The following NEDD4L variants were observed in gnomAD, a reference collection of about 807,000 sequenced individuals.
NEDD4L encodes NEDD4 like E3 ubiquitin protein ligase, also known as E3 ubiquitin-protein ligase NEDD4-like.
Under a neutral mutation model 148.9 loss-of-function variants are expected in NEDD4L, and 54 were observed. That is an observed-to-expected ratio of 0.36 (90% CI 0.29 to 0.45). The LOEUF (loss-of-function observed/expected upper bound fraction) is 0.45. Ranked by LOEUF, NEDD4L falls within the 20% of genes least tolerant of loss-of-function variation. The pLI is 1.00. For missense variants in NEDD4L, 856 were observed against 1,233.8 expected, an observed-to-expected ratio of 0.69 and a Z score of 4.59; for synonymous variants, 433 against 440.7, an observed-to-expected ratio of 0.98 and a Z score of 0.22.
At chr18:58,335,660 C>T in intron 13 of NEDD4L, 123 bp downstream of exon 13, 1 of 749,762 alleles carries the variant, frequency 1.3e-6, no homozygotes, top group South Asian at 1.5e-5. Context: ...TACAGAGCTG[C>T]ACACGTTTCT....
chr18:58,353,162 C>T (rs537757469), intron 18 of NEDD4L, among the ~76,000 whole-genome samples: 3 of 152,276 alleles, frequency 2.0e-5, no homozygotes, highest in Admixed American at 1.3e-4. Flanking sequence ...CTGAGGCTAG[C>T]GCAACTCCGG....
intron 1 of NEDD4L, among the ~76,000 whole-genome samples, chr18:58,114,899 C>G: frequency 6.6e-6 from 1 of 152,248 alleles, no homozygotes; most frequent in East Asian, 1.9e-4. Context: ...TGCTCTCCTT[C>G]TGCCTCCCTT....
intron 1 of NEDD4L, among the ~76,000 whole-genome samples, chr18:58,072,023 A>G (rs2082895502): frequency 6.6e-6 from 1 of 152,212 alleles, no homozygotes; most frequent in South Asian, 2.1e-4. Flanking sequence ...CAAATTAGGT[A>G]ACCTAAATGG....
At chr18:58,084,363 A>G (rs2083637969) in intron 1 of NEDD4L, among the ~76,000 whole-genome samples, 1 of 152,178 alleles carries the variant, frequency 6.6e-6, no homozygotes, top group African/African-American at 2.4e-5. Flanking sequence ...TATACTCAAA[A>G]CGATTTAATT....
chr18:58,249,014 A>G (rs2047597472), intron 4 of NEDD4L, 77 bp downstream of exon 4: 4 of 698,114 alleles, frequency 5.7e-6, no homozygotes, highest in Admixed American at 3.3e-5. Flanking sequence ...ATCTTGAGGA[A>G]AAGCTCTTAA....
intron 1 of NEDD4L, among the ~76,000 whole-genome samples, chr18:58,067,444 T>G (rs763823118): frequency 6.6e-6 from 1 of 152,204 alleles, no homozygotes; most frequent in Non-Finnish European, 1.5e-5. Context: ...TATCAGGGAA[T>G]GAGCTAATTT....
At chr18:58,112,742 G>T (rs996163646) in intron 1 of NEDD4L, among the ~76,000 whole-genome samples, 2 of 151,752 alleles carry the variant, frequency 1.3e-5, no homozygotes. Flanking sequence ...TGCCTGCCTT[G>T]GCCTCCCAAA....
intron 8 of NEDD4L, 45 bp downstream of exon 8, chr18:58,323,379 T>A (rs1404906252): frequency 1.0e-6 from 1 of 1,002,386 alleles, no homozygotes; most frequent in Admixed American, 2.1e-5. Flanking sequence ...TGAGATCATA[T>A]TCATGTTTTG....
chr18:58,255,485 G>T, intron 5 of NEDD4L: 1 of 1,230,246 alleles, frequency 8.1e-7, no homozygotes, highest in Non-Finnish European at 1.0e-6. Context: ...TGCCACTTGG[G>T]TTATTTCTGC....
chr18:58,388,435 G>A (rs185048634), intron 27 of NEDD4L: 33 of 152,376 alleles, frequency 2.2e-4, no homozygotes, highest in African/African-American at 7.7e-4. Context: ...TTTATTTCCA[G>A]GCTTCTGGCT....
chr18:58,190,827 T>C (rs563842634), intron 2 of NEDD4L, among the ~76,000 whole-genome samples: 1 of 152,316 alleles, frequency 6.6e-6, no homozygotes, highest in African/African-American at 2.4e-5. Flanking sequence ...AAATAGAAGA[T>C]GTAACAGTGA....
chr18:58,098,984 T>C (rs1275444284), intron 1 of NEDD4L, among the ~76,000 whole-genome samples: 1 of 152,242 alleles, frequency 6.6e-6, no homozygotes, highest in Non-Finnish European at 1.5e-5. Flanking sequence ...ATTATGTTAC[T>C]TGTCATGACG....
At chr18:58,216,090 T>G (rs1005856481) in intron 2 of NEDD4L, among the ~76,000 whole-genome samples, 1 of 152,184 alleles carries the variant, frequency 6.6e-6, no homozygotes, top group Non-Finnish European at 1.5e-5. Context: ...GATTACCAAT[T>G]TGCTTTCCTA....
intron 1 of NEDD4L, among the ~76,000 whole-genome samples, chr18:58,082,531 G>T (rs923145535): frequency 6.6e-6 from 1 of 151,462 alleles, no homozygotes; most frequent in Non-Finnish European, 1.5e-5. Flanking sequence ...CAGCACTTTG[G>T]GGGGCTGAGG....
At chr18:58,079,139 A>G (rs2083313852) in intron 1 of NEDD4L, among the ~76,000 whole-genome samples, 1 of 152,158 alleles carries the variant, frequency 6.6e-6, no homozygotes, top group African/African-American at 2.4e-5. Context: ...TGATGAGGCA[A>G]CCTTCTTGGG....
rs376031356 is a variant in NEDD4L at position 58,401,024 on chromosome 18, C to T, written c.*4755C>T. 35 of 152,264 alleles carry T rather than the reference C, an allele frequency of 2.3e-4. No homozygotes were observed. The highest frequency in any genetic ancestry group is 8.2e-4 in the African/African-American group (34 of 41,540). 9.4% of individuals were successfully genotyped at this position (152,264 alleles called of 1,614,324 possible). A position where few individuals can be genotyped will look rare whatever the true frequency, so the allele number is the denominator to read the frequency against. ...AGAGTTTAGTCCCTTCTGCAGTTTT[C>T]TCCAAGCTGTGTCCTGTGAATTTCA... is the stretch of plus-strand genomic sequence containing the variant. On this transcript the variant is annotated 3_prime_UTR_variant, in exon 31 of 31. Coordinates refer to ENST00000400345, the MANE Select transcript of NEDD4L (RefSeq NM_001144967.3).
intron 30 of NEDD4L, among the ~76,000 whole-genome samples, chr18:58,392,026 C>T (rs962964383): frequency 2.6e-5 from 4 of 152,192 alleles, no homozygotes; most frequent in African/African-American, 7.2e-5. Context: ...TGACTGTGGT[C>T]GGAGGAGGGT....
intron 1 of NEDD4L, among the ~76,000 whole-genome samples, chr18:58,065,477 A>T (rs1411706423): frequency 6.6e-6 from 1 of 152,110 alleles, no homozygotes; most frequent in African/African-American, 2.4e-5. Flanking sequence ...GCCTTTAAAA[A>T]TTTCTTTTTC....
rs1273992789 is a variant in NEDD4L at position 58,400,884 on chromosome 18, A to G, written c.*4615A>G. ...TGCGTGACTTTGTTCTTCCTTTACT[A>G]CTCTGTATGTAATATATATACATAT... On this transcript the variant is annotated 3_prime_UTR_variant, in exon 31 of 31. Coordinates refer to ENST00000400345, the MANE Select transcript of NEDD4L (RefSeq NM_001144967.3). The G allele has an allele frequency of 6.6e-6, 1 of 151,756 alleles. No individual in the cohort carries two copies. The highest frequency in any genetic ancestry group is 1.5e-5 in the Non-Finnish European group (1 of 67,972). The allele number at this position is 151,756 out of a possible 1,614,324, so 9.4% of individuals were successfully genotyped here.
Sources: allele counts gnomAD v4.1 joint callset (sites outside exome capture counted in the v4.1 genomes callset), GRCh38; gene constraint gnomAD v4.1.1; transcripts MANE v1.5; gene names NCBI Gene and HGNC (gene_info 2026-07-23, HGNC 2026-07-21).